Variants in LPP observed in about 807,000 individuals in gnomAD.
The protein encoded by LPP is LIM domain containing preferred translocation partner in lipoma, also known as lipoma-preferred partner.
In LPP, 38 loss-of-function variants were observed where a neutral mutation model predicts 60.4. That is an observed-to-expected ratio of 0.63 (90% confidence interval 0.49 to 0.83). The LOEUF is 0.83. LPP is among the 40% of genes least tolerant of loss of function. The pLI, the probability that LPP is intolerant of heterozygous loss-of-function variation, is 0.00. For synonymous variants in LPP, 328 were observed against 290.8 expected (o/e 1.13, Z -1.30); for missense variants, 902 against 783.6 (o/e 1.15, Z -1.80).
chr3:188,757,889 G>GTTTTTTTTTTTTTTTTTTT lies in LPP; in HGVS notation c.1241-2222_1241-2204dup, dbSNP rs750488243. On this transcript the variant is annotated intron_variant, in intron 8 of 11. Coordinates refer to ENST00000617246, the MANE Select transcript of LPP (RefSeq NM_001375462.1). ...TTTTTTTTGTGGTTTTGTTTTTTTGGTTTTTTTTTTTTTTTTTTTTCAGAA... is the reference window on the plus strand; with the variant it reads ...TTTTTTTTGTGGTTTTGTTTTTTTGGTTTTTTTTTTTTTTTTTTTTTTTTTTTTTTTTTTTTTTTCAGAA... Among the ~76,000 whole-genome samples, 37 of 78,710 alleles carry GTTTTTTTTTTTTTTTTTTT rather than the reference G, an allele frequency of 4.7e-4. 1 individual carries two copies. The highest frequency in any genetic ancestry group is 9.8e-4 in the African/African-American group (19 of 19,452). 51.6% of individuals were successfully genotyped at this position (78,710 alleles called of 152,430 possible). A position where few individuals can be genotyped will look rare whatever the true frequency, so the allele number is the denominator to read the frequency against.
intron 1 of LPP, among the ~76,000 whole-genome samples, chr3:188,204,273 T>C (rs1732529434): frequency 6.6e-6 from 1 of 152,012 alleles, no homozygotes; most frequent in Non-Finnish European, 1.5e-5. Context: ...AAAACATAGA[T>C]TGGGCTCATC....
intron 7 of LPP, among the ~76,000 whole-genome samples, chr3:188,675,084 C>T (rs980009207): frequency 1.4e-4 from 22 of 151,960 alleles, no homozygotes; most frequent in African/African-American, 5.3e-4. Context: ...TCTCCCACAG[C>T]ATTAGCCTTA....
chr3:188,450,570 C>T (rs752647986), intron 4 of LPP, among the ~76,000 whole-genome samples: 1 of 152,058 alleles, frequency 6.6e-6, no homozygotes, highest in Non-Finnish European at 1.5e-5. Flanking sequence ...CATGGTGAAA[C>T]TCCTTCTCTA....
intron 4 of LPP, among the ~76,000 whole-genome samples, chr3:188,456,755 C>T (rs991783435): frequency 3.3e-5 from 5 of 152,174 alleles, no homozygotes; most frequent in East Asian, 1.9e-4. Context: ...AAACGCCTGT[C>T]GATTTTTAAG....
chr3:188,804,284 A>ATATATATATATATAT (rs1367742182), intron 9 of LPP, among the ~76,000 whole-genome samples: 3 of 39,878 alleles, frequency 7.5e-5, no homozygotes, highest in Non-Finnish European at 1.4e-4. Flanking sequence ...TATATATATA[A>ATATATATATATATAT]AATGGAATAC....
intron 4 of LPP, among the ~76,000 whole-genome samples, chr3:188,444,502 T>G (rs1794757505): frequency 6.6e-6 from 1 of 152,112 alleles, no homozygotes; most frequent in African/African-American, 2.4e-5. Flanking sequence ...TATATAAGCA[T>G]GAATTTATTA....
At chr3:188,726,772 T>C (rs914578463) in intron 8 of LPP, among the ~76,000 whole-genome samples, 2 of 152,100 alleles carry the variant, frequency 1.3e-5, no homozygotes, top group African/African-American at 4.8e-5. Flanking sequence ...TAAACAGCAA[T>C]AGCAACATAA....
intron 1 of LPP, among the ~76,000 whole-genome samples, chr3:188,186,173 A>T (rs1291524696): frequency 2.0e-5 from 3 of 152,252 alleles, no homozygotes; most frequent in East Asian, 3.9e-4. Context: ...AGAGCTGCTA[A>T]ATATAGCTCC....
intron 7 of LPP, among the ~76,000 whole-genome samples, chr3:188,684,663 C>T (rs977643461): frequency 6.6e-6 from 1 of 151,628 alleles, no homozygotes; most frequent in African/African-American, 2.4e-5. Flanking sequence ...ATGCCATTAC[C>T]AGAAATTTTT....
rs137883945 is a variant in LPP at position 188,436,523 on chromosome 3, T to C, written c.193+30210T>C. 2.2e-3 allele frequency among the ~76,000 whole-genome samples: 337 copies of C among 152,328 alleles called. 2 individuals carry two copies. Among genetic ancestry groups the C allele is most frequent in the African/African-American group, 7.2e-3 (298 of 41,570 alleles). On this transcript the variant is annotated intron_variant, in intron 4 of 11. Transcript: ENST00000617246. ...ACTCCTGTTTATTTTCAACATTTTC[T>C]ATGTATAAATAATGTTTGTGTAAGC...
chr3:188,365,059 T>C (rs2150990159), intron 3 of LPP, among the ~76,000 whole-genome samples: 1 of 152,144 alleles, frequency 6.6e-6, no homozygotes, highest in African/African-American at 2.4e-5. Flanking sequence ...TAAAGGGCTA[T>C]TGAGTCCTCC....
At chr3:188,339,801 A>G (rs1010352425) in intron 2 of LPP, among the ~76,000 whole-genome samples, 1 of 152,224 alleles carries the variant, frequency 6.6e-6, no homozygotes, top group Non-Finnish European at 1.5e-5. Context: ...TCACTGGTAC[A>G]GACTTGCGTA....
intron 2 of LPP, among the ~76,000 whole-genome samples, chr3:188,276,683 C>G (rs1043098763): frequency 1.2e-4 from 2 of 16,270 alleles, no homozygotes; most frequent in African/African-American, 5.1e-4. Flanking sequence ...CTCTCTCTCT[C>G]TCTCTCTCTC....
chr3:188,371,007 C>T (rs1258612222), intron 3 of LPP, among the ~76,000 whole-genome samples: 2 of 152,094 alleles, frequency 1.3e-5, no homozygotes, highest in East Asian at 1.9e-4. Context: ...GAAAGAGTCA[C>T]ACCCACGGAA....
intron 8 of LPP, among the ~76,000 whole-genome samples, chr3:188,721,948 C>T (rs1716583115): frequency 6.6e-6 from 1 of 152,142 alleles, no homozygotes; most frequent in African/African-American, 2.4e-5. Flanking sequence ...ATTCCTTTGC[C>T]TCAAACACTT....
chr3:188,851,158 G>A (rs1341722545), intron 9 of LPP, among the ~76,000 whole-genome samples: 2 of 152,188 alleles, frequency 1.3e-5, no homozygotes, highest in Non-Finnish European at 2.9e-5. Flanking sequence ...GACTGACTGG[G>A]AATGTTGTAG....
intron 6 of LPP, among the ~76,000 whole-genome samples, chr3:188,591,966 G>A (rs1192289180): frequency 6.6e-6 from 1 of 152,292 alleles, no homozygotes; most frequent in Admixed American, 6.5e-5. Flanking sequence ...TGAGAAGTGT[G>A]GAGGTGGGAG....
intron 9 of LPP, among the ~76,000 whole-genome samples, chr3:188,835,354 A>G (rs1758163443): frequency 6.6e-6 from 1 of 151,444 alleles, no homozygotes; most frequent in Admixed American, 6.6e-5. Context: ...CTGTAATCCC[A>G]GCTACTCAGG....
At chr3:188,821,537 A>C (rs1245197125) in intron 9 of LPP, among the ~76,000 whole-genome samples, 1 of 152,020 alleles carries the variant, frequency 6.6e-6, no homozygotes, top group Non-Finnish European at 1.5e-5. Context: ...ACACCTAAAA[A>C]TAGCTAACCT....
Sources: allele counts gnomAD v4.1 joint callset (sites outside exome capture counted in the v4.1 genomes callset), GRCh38; gene constraint gnomAD v4.1.1; transcripts MANE v1.5; gene names NCBI Gene and HGNC (gene_info 2026-07-23, HGNC 2026-07-21).